The following GLIS3 variants were observed in gnomAD, a reference collection of about 807,000 sequenced individuals.
GLIS3 encodes zinc finger protein GLIS3.
GLIS3 carries 53 observed loss-of-function variants against 78.6 expected under a neutral mutation model. The ratio of observed to expected loss-of-function variants is 0.67; its 90% confidence interval spans 0.54 to 0.85. The LOEUF is 0.85. Ranked by LOEUF, GLIS3 falls within the 40% of genes least tolerant of loss-of-function variation. The pLI is 0.00. For synonymous variants in GLIS3, 684 were observed against 509.9 expected (o/e 1.34, Z -4.60); for missense variants, 1,703 against 1,231.1 (o/e 1.38, Z -5.74).
At chr9:4,262,162 CA>C (rs2130029912) in intron 2 of GLIS3, among the ~76,000 whole-genome samples, 1 of 152,104 alleles carries the variant, frequency 6.6e-6, no homozygotes, top group African/African-American at 2.4e-5. Context: ...TAGTGCAGTG[CA>C]AGGGGGAGAA....
intron 4 of GLIS3, among the ~76,000 whole-genome samples, chr9:3,962,951 G>T (rs575204595): frequency 2.0e-5 from 3 of 150,848 alleles, no homozygotes; most frequent in Non-Finnish European, 2.9e-5. Flanking sequence ...ATTTAAGGGG[G>T]GGGGGGGGAG....
chr9:3,955,521 G>C (rs533884287), intron 4 of GLIS3, among the ~76,000 whole-genome samples: 1 of 152,172 alleles, frequency 6.6e-6, no homozygotes, highest in Admixed American at 6.5e-5. Context: ...ATTATATATG[G>C]TATTTTACAA....
chr9:4,264,230 C>T (rs1181613569), intron 2 of GLIS3, among the ~76,000 whole-genome samples: 1 of 152,186 alleles, frequency 6.6e-6, no homozygotes, highest in Non-Finnish European at 1.5e-5. Flanking sequence ...TCTTCTGTTT[C>T]TTATTGCTGC....
At chr9:4,336,752 A>G (rs1333555000) in intron 2 of GLIS3, among the ~76,000 whole-genome samples, 8 of 152,208 alleles carry the variant, frequency 5.3e-5, no homozygotes, top group Non-Finnish European at 1.0e-4. Context: ...CCCAAGTCCT[A>G]TACAATTTGT....
chr9:4,128,266 C>T (rs1222140934), intron 2 of GLIS3, among the ~76,000 whole-genome samples: 3 of 152,232 alleles, frequency 2.0e-5, no homozygotes, highest in Admixed American at 1.3e-4. Flanking sequence ...TTAGGCAGAT[C>T]TGACCACTGC....
At chr9:4,072,842 C>T (rs975270297) in intron 4 of GLIS3, among the ~76,000 whole-genome samples, 1 of 151,994 alleles carries the variant, frequency 6.6e-6, no homozygotes, top group Non-Finnish European at 1.5e-5. Context: ...CCTTGTAATA[C>T]ACATGAACAG....
At chr9:4,059,829 T>TGTGTGTGTGTGTGAGAGA in intron 4 of GLIS3, among the ~76,000 whole-genome samples, 90 of 100,708 alleles carry the variant, frequency 8.9e-4, no homozygotes, top group East Asian at 3.3e-3. Context: ...TGTGTGTGTG[T>TGTGTGTGTGTGTGAGAGA]GAGAGAGAGA....
intron 4 of GLIS3, among the ~76,000 whole-genome samples, chr9:4,062,356 A>G (rs1785877285): frequency 6.6e-6 from 1 of 152,212 alleles, no homozygotes; most frequent in Non-Finnish European, 1.5e-5. Context: ...AAAGAAAAGG[A>G]AAGAAGGGGT....
intron 4 of GLIS3, among the ~76,000 whole-genome samples, chr9:3,946,759 A>G (rs56688968): frequency 0.078 from 11,928 of 152,288 alleles, 599 homozygotes; most frequent in African/African-American, 0.13. Flanking sequence ...GTTAGTAGCA[A>G]TAATTCAAGG....
At chr9:4,244,763 T>C (rs776670780) in intron 2 of GLIS3, among the ~76,000 whole-genome samples, 48 of 152,118 alleles carry the variant, frequency 3.2e-4, no homozygotes, top group South Asian at 6.2e-4. Context: ...TTAGTAGAGA[T>C]AGGGTTTCAA....
chr9:4,024,036 A>C (rs536345251), intron 4 of GLIS3, among the ~76,000 whole-genome samples: 1,150 of 103,170 alleles, frequency 0.011, 18 homozygotes, highest in African/African-American at 0.043. Context: ...AAAAAAAAAC[A>C]AAAAAAAAAA....
Position 4,189,823 on chromosome 9 carries a change from C to T in GLIS3, c.389-63882G>A, listed in dbSNP as rs1470275595. Among the ~76,000 whole-genome samples the T allele has an allele frequency of 3.3e-3, 493 of 150,768 alleles. 1 individual carries two copies. The highest frequency in any genetic ancestry group is 0.011 in the African/African-American group (468 of 41,106). On this transcript the variant is annotated intron_variant, in intron 2 of 10. Transcript: ENST00000381971. ...CAGAGACTAGGATTGCAACCCCTGC[C>T]TTTTTTTTTGTTTTCCATTTGCTTG...
At chr9:4,297,050 G>C (rs752397370) in intron 1 of GLIS3, among the ~76,000 whole-genome samples, 1 of 151,732 alleles carries the variant, frequency 6.6e-6, no homozygotes, top group East Asian at 1.9e-4. Flanking sequence ...AGAACCAGCG[G>C]AAACAAACTA....
intron 2 of GLIS3, among the ~76,000 whole-genome samples, chr9:4,129,789 G>A (rs1173913304): frequency 1.3e-5 from 2 of 152,222 alleles, no homozygotes; most frequent in Non-Finnish European, 2.9e-5. Flanking sequence ...ACCTGAAAAT[G>A]TGGAAGAAGC....
Position 3,932,456 on chromosome 9 carries a change from A to G in GLIS3, c.1887T>C (p.Cys629=). The G allele has an allele frequency of 6.2e-7, 1 of 1,612,968 alleles. No individual in the cohort carries two copies. The highest frequency in any genetic ancestry group is 8.5e-7 in the Non-Finnish European group (1 of 1,179,016). The change falls in exon 6 of 11, where the codon TGT becomes TGC. Residue 629 remains cysteine (C), a synonymous_variant. Coordinates refer to ENST00000381971, the MANE Select transcript of GLIS3 (RefSeq NM_001042413.2). ...RTHLDTKPYA[C]QIPGCTKRYT... ...AGCGTTTGGTACATCCTGGAATTTG[A>G]CAAGCATAAGGTTTCTAAATGAGAA...
intron 2 of GLIS3, among the ~76,000 whole-genome samples, chr9:4,141,573 A>G (rs1271568883): frequency 2.0e-5 from 3 of 152,228 alleles, no homozygotes; most frequent in African/African-American, 7.2e-5. Context: ...ACTAGCAATA[A>G]CTGAGATTAA....
intron 4 of GLIS3, among the ~76,000 whole-genome samples, chr9:4,089,128 G>GT (rs1168278944): frequency 2.0e-5 from 3 of 152,172 alleles, no homozygotes; most frequent in African/African-American, 7.2e-5. Context: ...ATGTGGCCTA[G>GT]TTTTTTATGT....
At chr9:3,925,608 T>TGG (rs1825166226) in intron 6 of GLIS3, among the ~76,000 whole-genome samples, 1 of 151,316 alleles carries the variant, frequency 6.6e-6, no homozygotes, top group Non-Finnish European at 1.5e-5. Context: ...TGTGCGCGCG[T>TGG]GTGTGTGTGT....
chr9:4,019,205 A>G (rs1392315667), intron 4 of GLIS3, among the ~76,000 whole-genome samples: 1 of 152,198 alleles, frequency 6.6e-6, no homozygotes, highest in Non-Finnish European at 1.5e-5. Flanking sequence ...TTCTTATGGA[A>G]TGGCGTTTAA....
Sources: allele counts gnomAD v4.1 joint callset (sites outside exome capture counted in the v4.1 genomes callset), GRCh38; gene constraint gnomAD v4.1.1; transcripts MANE v1.5; gene names NCBI Gene and HGNC (gene_info 2026-07-23, HGNC 2026-07-21).